Variants in PACRG observed in about 807,000 individuals in gnomAD.
PACRG encodes parkin coregulated, also known as parkin coregulated gene protein.
PACRG carries 29 observed loss-of-function variants against 29.7 expected under a neutral mutation model. The ratio of observed to expected loss-of-function variants is 0.98; its 90% CI spans 0.73 to 1.33. The LOEUF is 1.33. PACRG is among the 40% of genes most tolerant of loss of function. The pLI is 0.00. For synonymous variants in PACRG, 116 were observed against 118.7 expected (o/e 0.98, Z 0.15); for missense variants, 279 against 316.2 (o/e 0.88, Z 0.89).
At position 162,851,470 on chromosome 6, in the gene PACRG, A is replaced by G. The variant is rs552487169; in HGVS notation, c.291+37189A>G. On this transcript the variant is annotated intron_variant, in intron 2 of 4. Coordinates refer to ENST00000366888, the MANE Select transcript of PACRG (RefSeq NM_001080379.2). ...CTGGCATCTAAAATGCATGTTTATC[A>G]TAGTTGCAAGCAATGTAATTTCTAG... is the stretch of plus-strand genomic sequence containing the variant. Among the ~76,000 whole-genome samples the G allele has an allele frequency of 2.6e-5, 4 of 152,360 alleles. No homozygotes were observed. The South Asian group carries it at 8.3e-4, about 32-fold the overall frequency.
chr6:163,069,139 A>G (rs1811813918), intron 3 of PACRG, among the ~76,000 whole-genome samples: 1 of 152,072 alleles, frequency 6.6e-6, no homozygotes, highest in Non-Finnish European at 1.5e-5. Flanking sequence ...CAGCTTAGAC[A>G]ACAATACCCA....
chr6:163,022,642 A>G (rs1465606713), intron 2 of PACRG, among the ~76,000 whole-genome samples: 2 of 152,228 alleles, frequency 1.3e-5, no homozygotes, highest in Non-Finnish European at 2.9e-5. Flanking sequence ...GTGAGTCATC[A>G]GTTATTACAT....
intron 4 of PACRG, among the ~76,000 whole-genome samples, chr6:163,194,226 G>A (rs1780346866): frequency 6.6e-6 from 1 of 152,138 alleles, no homozygotes; most frequent in East Asian, 1.9e-4. Context: ...GTAGCTCATA[G>A]ACTCAGTGCT....
chr6:163,177,988 C>T (rs1036101393), intron 4 of PACRG, among the ~76,000 whole-genome samples: 1 of 152,110 alleles, frequency 6.6e-6, no homozygotes, highest in Non-Finnish European at 1.5e-5. Context: ...TTAGAAGAGG[C>T]TCAAACCTGG....
intron 2 of PACRG, among the ~76,000 whole-genome samples, chr6:162,826,642 T>C (rs1214712287): frequency 6.6e-6 from 1 of 151,998 alleles, no homozygotes; most frequent in Non-Finnish European, 1.5e-5. Context: ...TTTGTATTTT[T>C]AGTAGAGACG....
intron 3 of PACRG, among the ~76,000 whole-genome samples, chr6:163,086,182 C>T (rs1242888208): frequency 6.6e-6 from 1 of 152,196 alleles, no homozygotes; most frequent in Non-Finnish European, 1.5e-5. Context: ...GTAACCTGAG[C>T]TTGTCAGTAC....
At chr6:163,228,458 G>A (rs150610682) in intron 4 of PACRG, among the ~76,000 whole-genome samples, 10 of 150,580 alleles carry the variant, frequency 6.6e-5, no homozygotes, top group African/African-American at 2.2e-4. Context: ...GGCTCAACAT[G>A]TGCTGGATTA....
At chr6:163,262,848 C>T (rs75850123) in intron 4 of PACRG, among the ~76,000 whole-genome samples, 55 of 149,870 alleles carry the variant, frequency 3.7e-4, no homozygotes, top group African/African-American at 1.3e-3. Flanking sequence ...TCAAGACTAG[C>T]CTGGGCAACA....
At chr6:163,081,599 TA>T (rs917193756) in intron 3 of PACRG, among the ~76,000 whole-genome samples, 20 of 152,090 alleles carry the variant, frequency 1.3e-4, no homozygotes, top group African/African-American at 4.8e-4. Flanking sequence ...TCTACAAATA[TA>T]AAAAAATTAG....
At chr6:163,000,508 TA>T (rs1403891061) in intron 2 of PACRG, among the ~76,000 whole-genome samples, 3 of 152,100 alleles carry the variant, frequency 2.0e-5, no homozygotes, top group Non-Finnish European at 2.9e-5. Context: ...GGCATCCTTA[TA>T]GCATCATGTT....
intron 1 of PACRG, among the ~76,000 whole-genome samples, chr6:162,807,727 A>G (rs1417073456): frequency 6.6e-6 from 1 of 152,192 alleles, no homozygotes; most frequent in Non-Finnish European, 1.5e-5. Flanking sequence ...TTACCAAAAC[A>G]TGATGCAGAG....
At chr6:163,279,514 A>G (rs1784157279) in intron 4 of PACRG, among the ~76,000 whole-genome samples, 4 of 152,018 alleles carry the variant, frequency 2.6e-5, no homozygotes, top group African/African-American at 9.7e-5. Flanking sequence ...TTCCATTTCT[A>G]TGATTTATTA....
chr6:162,935,965 T>G (rs539496179), intron 2 of PACRG, among the ~76,000 whole-genome samples: 1 of 152,172 alleles, frequency 6.6e-6, no homozygotes, highest in African/African-American at 2.4e-5. Context: ...TCTATTTTCA[T>G]GCTGCTGATG....
intron 4 of PACRG, among the ~76,000 whole-genome samples, chr6:163,210,875 G>A (rs1315663676): frequency 6.6e-6 from 1 of 152,200 alleles, no homozygotes; most frequent in East Asian, 1.9e-4. Context: ...TCATCCCAAG[G>A]CAGCCAAAAG....
intron 1 of PACRG, among the ~76,000 whole-genome samples, chr6:162,790,557 A>G (rs1044124112): frequency 6.6e-6 from 1 of 152,030 alleles, no homozygotes; most frequent in African/African-American, 2.4e-5. Flanking sequence ...TACATAGTTA[A>G]TTCTTTTAAT....
intron 2 of PACRG, among the ~76,000 whole-genome samples, chr6:162,915,635 G>T (rs1796646454): frequency 6.6e-6 from 1 of 151,834 alleles, no homozygotes; most frequent in African/African-American, 2.4e-5. Context: ...GCCTTTTTAG[G>T]ATTATTTGAA....
chr6:162,843,871 T>C (rs1790052277), intron 2 of PACRG, among the ~76,000 whole-genome samples: 1 of 56,812 alleles, frequency 1.8e-5, no homozygotes, highest in Non-Finnish European at 3.5e-5. Context: ...GAGGTGTCAG[T>C]GTGCCCCTGC....
intron 4 of PACRG, among the ~76,000 whole-genome samples, chr6:163,270,957 A>G (rs1341604294): frequency 3.3e-5 from 5 of 152,124 alleles, no homozygotes; most frequent in Non-Finnish European, 5.9e-5. Context: ...ATTAAGGAGT[A>G]TTGACTCACA....
chr6:162,847,844 A>G (rs1340781336), intron 2 of PACRG, among the ~76,000 whole-genome samples: 1 of 152,124 alleles, frequency 6.6e-6, no homozygotes, highest in African/African-American at 2.4e-5. Flanking sequence ...CAAGTATTTT[A>G]TATACATGTT....
Sources: gnomAD v4.1 joint callset for allele counts (sites outside exome capture counted in the v4.1 genomes callset) on GRCh38, gnomAD v4.1.1 for gene constraint, MANE v1.5 for transcripts, NCBI Gene and HGNC (gene_info 2026-07-23, HGNC 2026-07-21) for gene names.